IGF1R: variants seen among roughly 807,000 people sequenced by gnomAD.
IGF1R encodes the protein insulin like growth factor 1 receptor.
IGF1R carries 44 observed loss-of-function variants against 144.6 expected under a neutral mutation model. That is an observed-to-expected ratio of 0.30 (90% CI 0.24 to 0.39). IGF1R has a LOEUF of 0.39. Among genes scored for constraint, IGF1R ranks in the 10% least tolerant of loss-of-function variants. The pLI is 1.00. For synonymous variants in IGF1R, 795 were observed against 722.8 expected, an observed-to-expected ratio of 1.10 and a Z score of -1.60; for missense variants, 1,355 against 1,833.7, an observed-to-expected ratio of 0.74 and a Z score of 4.77.
intron 2 of IGF1R, among the ~76,000 whole-genome samples, chr15:98,761,672 C>A (rs1447434974): frequency 6.6e-6 from 1 of 152,262 alleles, no homozygotes; most frequent in African/African-American, 2.4e-5. Context: ...AACCACATTT[C>A]CATCCAGTGG....
At chr15:98,944,101 T>G (rs2016464945) in intron 19 of IGF1R, among the ~76,000 whole-genome samples, 1 of 152,160 alleles carries the variant, frequency 6.6e-6, no homozygotes, top group Non-Finnish European at 1.5e-5. Flanking sequence ...ATTGGGATGG[T>G]GAGGAGAGAG....
chr15:98,727,794 G>A (rs956271351), intron 2 of IGF1R, among the ~76,000 whole-genome samples: 3 of 152,136 alleles, frequency 2.0e-5, no homozygotes, highest in African/African-American at 7.2e-5. Context: ...ACTGTGTGGC[G>A]GCGGCAGAAG....
chr15:98,749,610 T>C (rs1014042800), intron 2 of IGF1R, among the ~76,000 whole-genome samples: 3 of 152,258 alleles, frequency 2.0e-5, no homozygotes, highest in African/African-American at 7.2e-5. Context: ...TGTGTGTTTT[T>C]GTAATTAGAA....
intron 2 of IGF1R, among the ~76,000 whole-genome samples, chr15:98,773,150 G>T (rs892886132): frequency 6.6e-6 from 1 of 152,104 alleles, no homozygotes; most frequent in Non-Finnish European, 1.5e-5. Context: ...ACTGTACTCA[G>T]TTCTTTTTTG....
intron 2 of IGF1R, among the ~76,000 whole-genome samples, chr15:98,817,093 A>G (rs1171014401): frequency 6.6e-6 from 1 of 152,186 alleles, no homozygotes; most frequent in East Asian, 1.9e-4. Context: ...ACCTGAGGTC[A>G]GGAGTTCAAG....
intron 2 of IGF1R, among the ~76,000 whole-genome samples, chr15:98,855,685 G>A (rs2141571389): frequency 6.6e-6 from 1 of 152,262 alleles, no homozygotes; most frequent in Admixed American, 6.5e-5. Context: ...GTCAGTAGTG[G>A]TTTTTATGAA....
intron 2 of IGF1R, among the ~76,000 whole-genome samples, chr15:98,837,208 C>A (rs1358921221): frequency 6.6e-6 from 1 of 152,032 alleles, no homozygotes; most frequent in Non-Finnish European, 1.5e-5. Flanking sequence ...AGCTAGTGTG[C>A]ACCATCACTA....
chr15:98,930,437 C>A, intron 15 of IGF1R, 132 bp downstream of exon 15: 1 of 631,954 alleles, frequency 1.6e-6, no homozygotes, highest in Non-Finnish European at 2.8e-6. Flanking sequence ...GATCTGTCTT[C>A]ATTAATATTT....
intron 19 of IGF1R, among the ~76,000 whole-genome samples, 159 bp downstream of exon 19, chr15:98,943,211 C>T (rs1204789286): frequency 6.6e-6 from 1 of 152,178 alleles, no homozygotes; most frequent in Non-Finnish European, 1.5e-5. Flanking sequence ...TTGAGGTGTT[C>T]CTGTTGTCAG....
chr15:98,666,513 A>C (rs2052742040), intron 1 of IGF1R, among the ~76,000 whole-genome samples: 2 of 152,260 alleles, frequency 1.3e-5, no homozygotes, highest in Non-Finnish European at 2.9e-5. Context: ...GTGGATAAAC[A>C]AAATGTGGTC....
At chr15:98,810,769 T>G (rs886109805) in intron 2 of IGF1R, among the ~76,000 whole-genome samples, 1 of 151,402 alleles carries the variant, frequency 6.6e-6, no homozygotes, top group East Asian at 2.0e-4. Context: ...AGGATGGTCT[T>G]GATCTCCTGA....
At chr15:98,680,368 G>A (rs2053158268) in intron 1 of IGF1R, among the ~76,000 whole-genome samples, 1 of 151,452 alleles carries the variant, frequency 6.6e-6, no homozygotes. Flanking sequence ...CCAAGTTCAC[G>A]CCATTCTCCT....
chr15:98,897,819 G>C (rs1174848532), intron 4 of IGF1R, among the ~76,000 whole-genome samples: 1 of 152,118 alleles, frequency 6.6e-6, no homozygotes, highest in Non-Finnish European at 1.5e-5. Context: ...TCTGCCACTG[G>C]GACCACTTGG....
At chr15:98,733,291 TGCAGCC>T in intron 2 of IGF1R, among the ~76,000 whole-genome samples, 1 of 152,074 alleles carries the variant, frequency 6.6e-6, no homozygotes, top group Non-Finnish European at 1.5e-5. Context: ...CATGGCTTAT[TGCAGCC>T]TCAGCCTCCT....
intron 2 of IGF1R, among the ~76,000 whole-genome samples, chr15:98,767,369 G>A (rs2055460161): frequency 6.6e-6 from 1 of 152,184 alleles, no homozygotes; most frequent in African/African-American, 2.4e-5. Context: ...CTTCTGTCAG[G>A]TTGCTCCTGC....
intron 9 of IGF1R, 100 bp downstream of exon 9, chr15:98,916,231 A>T: frequency 1.2e-5 from 12 of 987,604 alleles, no homozygotes; most frequent in Non-Finnish European, 1.9e-5. Context: ...ACAACAGTGT[A>T]GTTCTCCATT....
At chr15:98,817,197 G>A (rs2056712026) in intron 2 of IGF1R, among the ~76,000 whole-genome samples, 1 of 152,066 alleles carries the variant, frequency 6.6e-6, no homozygotes, top group Admixed American at 6.5e-5. Flanking sequence ...AGCTACTCGG[G>A]AGTCTGAAGC....
At chr15:98,753,380 C>CTTTTTTTTTTT (rs1173073572) in intron 2 of IGF1R, among the ~76,000 whole-genome samples, 510 of 60,348 alleles carry the variant, frequency 8.5e-3, no homozygotes, top group African/African-American at 0.011. Context: ...CCATACCTGG[C>CTTTTTTTTTTT]TTTTTTTTTT....
At chr15:98,952,224 CGTG>C (rs1902639431) in intron 20 of IGF1R, among the ~76,000 whole-genome samples, 1 of 151,754 alleles carries the variant, frequency 6.6e-6, no homozygotes, top group African/African-American at 2.4e-5. Flanking sequence ...GAGTCAATCA[CGTG>C]GGGATGTGAG....
Sources: allele counts gnomAD v4.1 joint callset (sites outside exome capture counted in the v4.1 genomes callset), GRCh38; gene constraint gnomAD v4.1.1; transcripts MANE v1.5; gene names NCBI Gene and HGNC (gene_info 2026-07-23, HGNC 2026-07-21).